The following SNX6 variants were observed in gnomAD, a reference collection of about 807,000 sequenced individuals.
The protein encoded by SNX6 is sorting nexin-6.
Under a neutral mutation model 63.0 loss-of-function variants are expected in SNX6, and 34 were observed. The ratio of observed to expected loss-of-function variants is 0.54; its 90% confidence interval spans 0.41 to 0.72. The LOEUF is 0.72. SNX6 is among the 30% of genes least tolerant of loss of function. The pLI is 0.00. For synonymous variants in SNX6, 170 were observed against 164.2 expected, an observed-to-expected ratio of 1.04 and a Z score of -0.27; for missense variants, 398 against 471.4, an observed-to-expected ratio of 0.84 and a Z score of 1.44.
intron 2 of SNX6, among the ~76,000 whole-genome samples, chr14:34,620,943 A>AAGAAAAT (rs1330036511): frequency 1.2e-4 from 19 of 152,240 alleles, no homozygotes; most frequent in African/African-American, 3.4e-4. Flanking sequence ...CTCCCTCAAA[A>AAGAAAAT]AAAAAATAAA....
Position 34,597,571 on chromosome 14 carries a change from T to G in SNX6, c.591A>C (p.Gly197=). 1 of 1,603,484 alleles carries G rather than the reference T, an allele frequency of 6.2e-7. No individual in the cohort carries two copies. Among genetic ancestry groups the G allele is most frequent in the South Asian group, 1.1e-5 (1 of 90,026 alleles). ...FFKNMVKSAD[G]VIVSGVKDVD... Reference sequence around the variant, plus strand: ...TTACCTTTACTCCTGAAACGATTACTCCATCTGCTGATTTAACCATGTTTT... The same window carrying G: ...TTACCTTTACTCCTGAAACGATTACGCCATCTGCTGATTTAACCATGTTTT... Residue 197 remains glycine, a synonymous_variant, in exon 7 of 14, where the codon GGA becomes GGC. Transcript: ENST00000362031.
chr14:34,607,444 T>C (rs1319337969), intron 4 of SNX6, among the ~76,000 whole-genome samples: 1 of 151,390 alleles, frequency 6.6e-6, no homozygotes, highest in Non-Finnish European at 1.5e-5. Flanking sequence ...CCGTCTCTAC[T>C]TAAAAAACAA....
chr14:34,600,443 C>CTTT (rs879769668), intron 6 of SNX6, among the ~76,000 whole-genome samples: 2 of 138,756 alleles, frequency 1.4e-5, no homozygotes, highest in Admixed American at 7.2e-5. Flanking sequence ...TCTTCTTCTT[C>CTTT]TTTTTTTTTT....
At chr14:34,575,947 G>A (rs192326667) in intron 10 of SNX6, 105 bp from the exon 11 acceptor site, 84 of 510,470 alleles carry the variant, frequency 1.6e-4, no homozygotes, top group Non-Finnish European at 2.4e-4. Flanking sequence ...TTTTTGAGAC[G>A]GAGTCTTGCT....
intron 2 of SNX6, among the ~76,000 whole-genome samples, chr14:34,619,334 AT>A (rs1452619698): frequency 6.6e-6 from 1 of 152,106 alleles, no homozygotes; most frequent in East Asian, 1.9e-4. Context: ...AGGCAGAAGG[AT>A]CACTTGAACC....
chr14:34,587,024 AAAAAAAAAAC>A (rs1230583357), intron 8 of SNX6, among the ~76,000 whole-genome samples: 7 of 150,440 alleles, frequency 4.7e-5, no homozygotes, highest in African/African-American at 1.7e-4. Context: ...AAAAAAAAAA[AAAAAAAAAAC>A]AACTGGAAAA....
chr14:34,625,291 ATCTATT>A (rs1437142808), intron 2 of SNX6, among the ~76,000 whole-genome samples: 1 of 152,182 alleles, frequency 6.6e-6, no homozygotes, highest in Non-Finnish European at 1.5e-5. Context: ...AATTATGGTA[ATCTATT>A]TCTATCAGGA....
At chr14:34,623,876 C>G (rs1206100463) in intron 2 of SNX6, among the ~76,000 whole-genome samples, 2 of 152,156 alleles carry the variant, frequency 1.3e-5, no homozygotes, top group Non-Finnish European at 2.9e-5. Context: ...CAAAGAGAAT[C>G]ATGCCATCAC....
In SNX6 at chr14:34,603,415, C is replaced by T. The variant is rs762864087; in HGVS notation, c.449G>A (p.Arg150His). Residue 150 changes from arginine to histidine, a missense_variant, in exon 6 of 14, where the codon CGT (arginine) becomes CAT (histidine). By Grantham distance (29) the Arg-to-His change is conservative. Transcript: ENST00000362031. Reference protein sequence around the residue: ...TVAMHEVFLCRVAAHPILRRD... With the variant: ...TVAMHEVFLCHVAAHPILRRD... Reference sequence around the variant, plus strand: ...TCTCAAAATAGGATGTGCTGCCACACGACACAGGAACACTTCATGCATCGC... The same window carrying T: ...TCTCAAAATAGGATGTGCTGCCACATGACACAGGAACACTTCATGCATCGC... The T allele has an allele frequency of 6.0e-5, 96 of 1,609,824 alleles. No homozygotes were observed. The highest frequency in any genetic ancestry group is 8.0e-5 in the Non-Finnish European group (94 of 1,177,622).
At chr14:34,571,635 G>A (rs1881457841) in intron 11 of SNX6, among the ~76,000 whole-genome samples, 1 of 152,194 alleles carries the variant, frequency 6.6e-6, no homozygotes, top group African/African-American at 2.4e-5. Flanking sequence ...AGAGAGCACA[G>A]AGGATTTTTA....
chr14:34,621,408 T>G (rs945719804), intron 2 of SNX6, among the ~76,000 whole-genome samples: 1 of 152,178 alleles, frequency 6.6e-6, no homozygotes, highest in Non-Finnish European at 1.5e-5. Context: ...ATATCCCCAA[T>G]TTAGACTTTT....
intron 11 of SNX6, among the ~76,000 whole-genome samples, chr14:34,573,116 C>T (rs951944348): frequency 2.6e-5 from 4 of 152,080 alleles, no homozygotes; most frequent in African/African-American, 7.2e-5. Flanking sequence ...CCTGGGACTA[C>T]GGGAACACAC....
intron 5 of SNX6, among the ~76,000 whole-genome samples, chr14:34,604,590 T>G (rs1882946248): frequency 6.6e-6 from 1 of 152,152 alleles, no homozygotes; most frequent in African/African-American, 2.4e-5. Flanking sequence ...AATTATTTCC[T>G]TGTACAACTC....
chr14:34,613,851 G>T (rs190546042), intron 2 of SNX6, among the ~76,000 whole-genome samples: 2 of 151,774 alleles, frequency 1.3e-5, no homozygotes, highest in East Asian at 3.9e-4. Flanking sequence ...GCTCACGCCT[G>T]TAATACCAGC....
At chr14:34,587,192 T>A (rs1390991648) in intron 8 of SNX6, among the ~76,000 whole-genome samples, 1 of 151,964 alleles carries the variant, frequency 6.6e-6, no homozygotes, top group African/African-American at 2.4e-5. Flanking sequence ...AAAAATATGC[T>A]GTGTTTCTAT....
At chr14:34,597,727 T>C in intron 6 of SNX6, 82 bp from the exon 7 acceptor site, 3 of 721,660 alleles carry the variant, frequency 4.2e-6, no homozygotes, top group Non-Finnish European at 7.0e-6. Flanking sequence ...TAAATGGCAA[T>C]CTCAAAAGGA....
chr14:34,570,426 A>T (rs1467339333), intron 11 of SNX6, among the ~76,000 whole-genome samples: 3 of 133,774 alleles, frequency 2.2e-5, no homozygotes, highest in East Asian at 2.2e-4. Context: ...GATATCTCAC[A>T]TTTTTTTTTT....
intron 3 of SNX6, 118 bp downstream of exon 3, chr14:34,609,520 T>G: frequency 2.9e-6 from 1 of 346,924 alleles, no homozygotes; most frequent in Non-Finnish European, 5.5e-6. Flanking sequence ...TTTTCCTACA[T>G]CTATTTTTGT....
intron 10 of SNX6, among the ~76,000 whole-genome samples, chr14:34,580,500 G>A (rs2138290334): frequency 6.6e-6 from 1 of 151,892 alleles, no homozygotes; most frequent in East Asian, 1.9e-4. Flanking sequence ...AGGGAGTCTT[G>A]CTACATTGCC....
Sources: gnomAD v4.1 joint callset for allele counts (sites outside exome capture counted in the v4.1 genomes callset) on GRCh38, gnomAD v4.1.1 for gene constraint, MANE v1.5 for transcripts, NCBI Gene and HGNC (gene_info 2026-07-23, HGNC 2026-07-21) for gene names.